SCN8A: variants seen among roughly 807,000 people sequenced by gnomAD.
The protein encoded by SCN8A is sodium channel protein type 8 subunit alpha.
In SCN8A, 30 loss-of-function variants were observed where a neutral mutation model predicts 184.1. The observed-to-expected ratio is 0.16, with a 90% confidence interval of 0.12 to 0.22. SCN8A has a LOEUF of 0.22. Ranked by LOEUF, SCN8A falls within the 10% of genes least tolerant of loss-of-function variation. The probability of loss-of-function intolerance (pLI) is 1.00; values close to 1 mark genes in which losing one functional copy is unlikely to be tolerated. For synonymous variants in SCN8A, 852 were observed against 907.0 expected (o/e 0.94, Z 1.09); for missense variants, 1,057 against 2,498.9 (o/e 0.42, Z 12.30).
intron 1 of SCN8A, among the ~76,000 whole-genome samples, chr12:51,610,856 T>A (rs1185989625): frequency 6.6e-6 from 1 of 152,252 alleles, no homozygotes; most frequent in African/African-American, 2.4e-5. Context: ...CACTGTTGAT[T>A]ACTGTAGCTT....
chr12:51,745,325 T>A (rs953252007), intron 12 of SCN8A, among the ~76,000 whole-genome samples: 3 of 152,234 alleles, frequency 2.0e-5, no homozygotes, highest in Non-Finnish European at 4.4e-5. Context: ...TTACAATGGC[T>A]TGTAGGAGAT....
chr12:51,774,692 G>C (rs1458403320), intron 20 of SCN8A, among the ~76,000 whole-genome samples: 1 of 152,134 alleles, frequency 6.6e-6, no homozygotes, highest in African/African-American at 2.4e-5. Flanking sequence ...CTTGCCCCAG[G>C]CCAGCAGGAT....
chr12:51,676,231 T>C (rs574950651), intron 2 of SCN8A, among the ~76,000 whole-genome samples: 10 of 152,298 alleles, frequency 6.6e-5, no homozygotes, highest in Admixed American at 6.5e-4. Flanking sequence ...GGAAATGCAT[T>C]CCAGTTATGC....
At chr12:51,611,238 A>G (rs1442772518) in intron 1 of SCN8A, among the ~76,000 whole-genome samples, 5 of 147,952 alleles carry the variant, frequency 3.4e-5, no homozygotes, top group African/African-American at 1.3e-4. Flanking sequence ...CCCAGGCTGG[A>G]GCAAGCTCCG....
At chr12:51,631,134 C>G (rs531160736) in intron 1 of SCN8A, among the ~76,000 whole-genome samples, 90 of 152,272 alleles carry the variant, frequency 5.9e-4, no homozygotes, top group African/African-American at 2.0e-3. Context: ...TGCTTTGTTC[C>G]TTTGACTTCT....
At chr12:51,724,790 A>G (rs1942130383) in intron 12 of SCN8A, among the ~76,000 whole-genome samples, 1 of 152,238 alleles carries the variant, frequency 6.6e-6, no homozygotes, top group Admixed American at 6.5e-5. Flanking sequence ...GTATTAGAGA[A>G]GGTATTCAGA....
intron 22 of SCN8A, 100 bp downstream of exon 22, chr12:51,786,926 G>A (rs1938103255): frequency 2.6e-6 from 3 of 1,162,952 alleles, no homozygotes; most frequent in African/African-American, 3.1e-5. Context: ...CTAGAATCAG[G>A]ATTATTCTCA....
At position 51,705,600 on chromosome 12, in the gene SCN8A, A is replaced by G; in HGVS notation, c.1318A>G (p.Lys440Glu). 1.2e-6 allele frequency: 2 copies of G among 1,613,556 alleles called. No homozygotes were observed. Among genetic ancestry groups the G allele is most frequent in the Non-Finnish European group, 1.7e-6 (2 of 1,179,670 alleles). ...AEFKAMLEQLKKQQEEAQAAA... is the reference protein window; with the variant it reads ...AEFKAMLEQLEKQQEEAQAAA... ...ATTTAAAGCAATGTTGGAGCAACTT[A>G]AGAAGCAACAGGAAGAGGCACAGGT... The change falls in exon 10 of 27, where the codon AAG becomes GAG. Residue 440 changes from lysine to glutamate, a missense_variant. Coordinates refer to ENST00000627620, the MANE Select transcript of SCN8A (RefSeq NM_001330260.2).
intron 8 of SCN8A, among the ~76,000 whole-genome samples, chr12:51,701,776 C>T (rs2138740295): frequency 6.6e-6 from 1 of 152,208 alleles, no homozygotes; most frequent in Admixed American, 6.5e-5. Context: ...CATGAAAATG[C>T]TTTGTAAACA....
intron 1 of SCN8A, 104 bp from the exon 2 acceptor site, chr12:51,662,660 T>C: frequency 1.4e-6 from 1 of 708,418 alleles, no homozygotes; most frequent in Non-Finnish European, 2.3e-6. Context: ...CTATGTGTTT[T>C]TTTTGCAAAG....
intron 12 of SCN8A, among the ~76,000 whole-genome samples, chr12:51,742,657 A>G (rs1006731101): frequency 6.9e-6 from 1 of 145,636 alleles, no homozygotes; most frequent in Non-Finnish European, 1.5e-5. Flanking sequence ...GAGTTTTGTT[A>G]TTAGATGCCT....
At chr12:51,746,885 T>G (rs960139089) in intron 13 of SCN8A, among the ~76,000 whole-genome samples, 1 of 152,222 alleles carries the variant, frequency 6.6e-6, no homozygotes, top group Non-Finnish European at 1.5e-5. Flanking sequence ...ACCTATCTTC[T>G]TCATTGGATT....
intron 18 of SCN8A, 35 bp downstream of exon 18, chr12:51,770,020 ACTCGTGTTGCT>A (rs1360337716): frequency 1.4e-6 from 2 of 1,389,018 alleles, no homozygotes; most frequent in African/African-American, 2.9e-5. Context: ...GGCTGGGGAC[ACTCGTGTTGCT>A]CACAGACACA....
At chr12:51,739,750 C>T (rs760500605) in intron 12 of SCN8A, among the ~76,000 whole-genome samples, 14 of 152,036 alleles carry the variant, frequency 9.2e-5, no homozygotes, top group Non-Finnish European at 1.9e-4. Context: ...CACGAATGGA[C>T]GCCACTTGCG....
At chr12:51,667,350 G>GT (rs1941051289) in intron 2 of SCN8A, among the ~76,000 whole-genome samples, 1 of 151,270 alleles carries the variant, frequency 6.6e-6, no homozygotes, top group Non-Finnish European at 1.5e-5. Flanking sequence ...TCTTAATTTT[G>GT]TTTTTTGTTT....
chr12:51,793,534 G>C (rs979817089), intron 25 of SCN8A, among the ~76,000 whole-genome samples: 2 of 152,200 alleles, frequency 1.3e-5, no homozygotes, highest in African/African-American at 4.8e-5. Flanking sequence ...TATCACGTAA[G>C]CAGCAGGAAT....
In SCN8A at chr12:51,767,698, T is replaced by C. The variant is rs564983258; in HGVS notation, c.2902-1167T>C. On this transcript the variant is annotated intron_variant, in intron 16 of 26. Coordinates refer to ENST00000627620, the MANE Select transcript of SCN8A (RefSeq NM_001330260.2). ...ATCTTTAGAGTAGGCTAAGGAAATATTTTTAACAAACATCCACACCCCTCA... is the reference window on the plus strand; with the variant it reads ...ATCTTTAGAGTAGGCTAAGGAAATACTTTTAACAAACATCCACACCCCTCA... Among the ~76,000 whole-genome samples, 6 of 152,194 alleles carry C rather than the reference T, an allele frequency of 3.9e-5. No homozygotes were observed. In the East Asian group the frequency reaches 5.8e-4, roughly 15 times the overall value.
chr12:51,724,626 A>C (rs1942127605), intron 12 of SCN8A, among the ~76,000 whole-genome samples: 1 of 152,206 alleles, frequency 6.6e-6, no homozygotes, highest in Non-Finnish European at 1.5e-5. Flanking sequence ...AAAAAACAAG[A>C]GATAATATCA....
At chr12:51,625,293 C>CT (rs774796438) in intron 1 of SCN8A, among the ~76,000 whole-genome samples, 10 of 152,172 alleles carry the variant, frequency 6.6e-5, no homozygotes, top group Non-Finnish European at 1.3e-4. Context: ...AATTTGTAGT[C>CT]TTTCACCTAG....
Sources: gnomAD v4.1 joint callset for allele counts (sites outside exome capture counted in the v4.1 genomes callset) on GRCh38, gnomAD v4.1.1 for gene constraint, MANE v1.5 for transcripts, NCBI Gene and HGNC (gene_info 2026-07-23, HGNC 2026-07-21) for gene names.